PAXBP1: variants seen among roughly 807,000 people sequenced by gnomAD.
The protein encoded by PAXBP1 is PAX3- and PAX7-binding protein 1.
In PAXBP1, 44 loss-of-function variants were observed where a neutral mutation model predicts 119.9. The ratio of observed to expected loss-of-function variants is 0.37; its 90% CI spans 0.29 to 0.47. The LOEUF (loss-of-function observed/expected upper bound fraction) is 0.47, where lower values mean the gene tolerates loss of function less well. Ranked by LOEUF, PAXBP1 falls within the 20% of genes least tolerant of loss-of-function variation. The pLI is 0.99. For synonymous variants in PAXBP1, 393 were observed against 406.6 expected (o/e 0.97, Z 0.40); for missense variants, 898 against 1,134.1 (o/e 0.79, Z 2.99).
Position 32,738,192 on chromosome 21 carries a change from C to T in PAXBP1, c.2462G>A (p.Ser821Asn). 1 of 1,575,792 alleles carries T rather than the reference C, an allele frequency of 6.3e-7. No homozygotes were observed. Among genetic ancestry groups the T allele is most frequent in the Non-Finnish European group, 8.6e-7 (1 of 1,167,530 alleles). The change falls in exon 16 of 18, where the codon AGC (serine) becomes AAC (asparagine). Residue 821 changes from serine to asparagine, a missense_variant. Coordinates refer to ENST00000331923, the MANE Select transcript of PAXBP1 (RefSeq NM_016631.4). ...ACTCACATTTTGGGCTTTTTTGATG[C>T]TGTCATCTCCATATTCTGAATTCTG... ...AFQNSEYGDD[S>N]IKKAQNVINC... is the part of the protein sequence containing the mutation.
intron 8 of PAXBP1, among the ~76,000 whole-genome samples, chr21:32,753,055 C>A (rs1202420819): frequency 6.6e-6 from 1 of 152,086 alleles, no homozygotes; most frequent in Non-Finnish European, 1.5e-5. Flanking sequence ...AAAGATTTCC[C>A]AGCCCTAGAT....
rs1349789546 is a variant in PAXBP1, at chr21:32,750,914, A to C, written c.1723+3T>G. 3 of 1,601,462 alleles carry C rather than the reference A, an allele frequency of 1.9e-6. No individual in the cohort carries two copies. The highest frequency in any genetic ancestry group is 8.5e-7 in the Non-Finnish European group (1 of 1,171,740). ...GAGTCTTATTTCCAAATAAATGTCT[A>C]ACCTTTTTCCAGATTGAAATTAGTA... On this transcript the variant is annotated splice_donor_region_variant and intron_variant, in intron 10 of 17. Coordinates refer to ENST00000331923, the MANE Select transcript of PAXBP1 (RefSeq NM_016631.4).
In PAXBP1 at chr21:32,759,112, C is replaced by T; in HGVS notation, c.1351G>A (p.Val451Ile). Residue 451 changes from valine to isoleucine, a missense_variant, in exon 7 of 18, where the codon GTC becomes ATC. By Grantham distance (29) the Val-to-Ile change is conservative. Coordinates refer to ENST00000331923, the MANE Select transcript of PAXBP1 (RefSeq NM_016631.4). ...CTGAAACACTCAAGCAAGTCTTGGA[C>T]ATACCCTCGCATTTCTTGCAAAAAT... ...YKFLQEMRGY[V>I]QDLLECFSEK... 1 of 1,613,942 alleles carries T rather than the reference C, an allele frequency of 6.2e-7. No individual in the cohort carries two copies. Among genetic ancestry groups the T allele is most frequent in the Non-Finnish European group, 8.5e-7 (1 of 1,179,854 alleles).
At chr21:32,769,986 A>G in intron 1 of PAXBP1, 44 bp from the exon 2 acceptor site, 1 of 1,418,442 alleles carries the variant, frequency 7.0e-7, no homozygotes, top group Non-Finnish European at 9.5e-7. Context: ...CTATTTTCTG[A>G]AAATATTTTC....
chr21:32,763,186 C>T (rs2044179478), intron 3 of PAXBP1, among the ~76,000 whole-genome samples: 1 of 152,192 alleles, frequency 6.6e-6, no homozygotes, highest in Non-Finnish European at 1.5e-5. Flanking sequence ...CTACCGCACA[C>T]ATTAACTGAC....
chr21:32,749,170 T>C (rs2043920703), intron 10 of PAXBP1, among the ~76,000 whole-genome samples: 1 of 152,112 alleles, frequency 6.6e-6, no homozygotes, highest in Non-Finnish European at 1.5e-5. Flanking sequence ...CTAGGAACTT[T>C]AAGTGAAAAG....
At chr21:32,769,058 G>A (rs958352638) in intron 2 of PAXBP1, among the ~76,000 whole-genome samples, 1 of 152,150 alleles carries the variant, frequency 6.6e-6, no homozygotes, top group Non-Finnish European at 1.5e-5. Context: ...ACATTTATGA[G>A]ATATTGTCTT....
intron 11 of PAXBP1, 50 bp from the exon 12 acceptor site, chr21:32,745,768 T>A (rs755155505): frequency 6.2e-7 from 1 of 1,601,112 alleles, no homozygotes; most frequent in South Asian, 1.1e-5. Flanking sequence ...TGGCTATTTC[T>A]GCTTCCAGCT....
At chr21:32,740,711 C>G (rs2146469513) in intron 15 of PAXBP1, among the ~76,000 whole-genome samples, 1 of 151,842 alleles carries the variant, frequency 6.6e-6, no homozygotes, top group Non-Finnish European at 1.5e-5. Flanking sequence ...GATATGACAT[C>G]TAAAGCACAA....
At chr21:32,748,747 G>GA in intron 10 of PAXBP1, 49 bp from the exon 11 acceptor site, 2 of 1,489,312 alleles carry the variant, frequency 1.3e-6, no homozygotes, top group East Asian at 2.3e-5. Flanking sequence ...TATGAAGTAG[G>GA]AAAAAAACAG....
intron 7 of PAXBP1, 81 bp from the exon 8 acceptor site, chr21:32,755,434 T>C: frequency 1.3e-6 from 2 of 1,544,252 alleles, no homozygotes; most frequent in South Asian, 1.2e-5. Context: ...TTTCCGGATT[T>C]CTGAAAAAGT....
intron 5 of PAXBP1, among the ~76,000 whole-genome samples, chr21:32,760,850 G>A (rs886081527): frequency 3.3e-5 from 5 of 151,552 alleles, no homozygotes; most frequent in South Asian, 2.1e-4. Flanking sequence ...GCAAAAAGCC[G>A]AACACACTGC....
At chr21:32,751,293 C>A (rs1264618337) in intron 8 of PAXBP1, 75 bp from the exon 9 acceptor site, 3 of 1,362,382 alleles carry the variant, frequency 2.2e-6, no homozygotes, top group Non-Finnish European at 3.1e-6. Context: ...CAGAATAAGC[C>A]ATTACGACAG....
rs753732936 is a variant in PAXBP1 at position 32,771,540 on chromosome 21, G to A, written c.129C>T (p.Gly43=). Residue 43 remains glycine, a synonymous_variant, in exon 1 of 18, where the codon GGC becomes GGT. Coordinates refer to ENST00000331923, the MANE Select transcript of PAXBP1 (RefSeq NM_016631.4). The part of the protein sequence containing the change: ...LPPPGTGEEA[G]PGGGDRAPGG... The stretch of plus-strand genomic sequence containing the variant: ...CAGGGGCCCTGTCGCCGCCACCGGG[G>A]CCCGCCTCTTCGCCCGTGCCCGGCG... 5.1e-6 allele frequency: 7 copies of A among 1,383,568 alleles called. No homozygotes were observed. In the Admixed American group the frequency reaches 2.1e-4, roughly 41 times the overall value. The allele number at this position is 1,383,568 out of a possible 1,614,324, so 85.7% of individuals were successfully genotyped here. A position where few individuals can be genotyped will look rare whatever the true frequency, so the allele number is the denominator to read the frequency against.
In PAXBP1 at chr21:32,761,204, G is replaced by A. The variant is rs150082003; in HGVS notation, c.872-42C>T. Reference sequence around the variant, plus strand: ...CAAAGAAAAGTAAGTAACACCCAAAGAGCAAAGAGGTAAAAGATGCTGTCC... The same window carrying A: ...CAAAGAAAAGTAAGTAACACCCAAAAAGCAAAGAGGTAAAAGATGCTGTCC... On this transcript the variant is annotated intron_variant, in intron 4 of 17. Coordinates refer to ENST00000331923, the MANE Select transcript of PAXBP1 (RefSeq NM_016631.4). The A allele has an allele frequency of 1.2e-5, 18 of 1,454,304 alleles. No homozygotes were observed. The East Asian group carries it at 3.9e-4, about 31-fold the overall frequency. The allele number at this position is 1,454,304 out of a possible 1,614,324, so 90.1% of individuals were successfully genotyped here.
At chr21:32,771,293 G>T (rs201024974) in intron 1 of PAXBP1, 33 bp downstream of exon 1, 2 of 1,539,002 alleles carry the variant, frequency 1.3e-6, no homozygotes. Flanking sequence ...CGGGGATGCG[G>T]CCGTCTAAGG....
At chr21:32,766,628 C>T (rs745488990) in intron 2 of PAXBP1, among the ~76,000 whole-genome samples, 4 of 152,216 alleles carry the variant, frequency 2.6e-5, no homozygotes, top group African/African-American at 4.8e-5. Context: ...CTGCCCTCTA[C>T]TTCCTCTCCA....
intron 2 of PAXBP1, among the ~76,000 whole-genome samples, chr21:32,765,245 A>G (rs2044221023): frequency 6.6e-6 from 1 of 152,202 alleles, no homozygotes; most frequent in Non-Finnish European, 1.5e-5. Flanking sequence ...GAATGGCCAC[A>G]TTGTGCCATC....
chr21:32,739,450 G>T (rs2043741632), intron 15 of PAXBP1, among the ~76,000 whole-genome samples: 1 of 152,120 alleles, frequency 6.6e-6, no homozygotes, highest in Non-Finnish European at 1.5e-5. Context: ...TATGTAAAAG[G>T]TGCGGGACAG....
Sources: gnomAD v4.1 joint callset for allele counts (sites outside exome capture counted in the v4.1 genomes callset) on GRCh38, gnomAD v4.1.1 for gene constraint, MANE v1.5 for transcripts, NCBI Gene and HGNC (gene_info 2026-07-23, HGNC 2026-07-21) for gene names.